The following ZFAND3 variants were observed in gnomAD, a reference collection of about 807,000 sequenced individuals.
ZFAND3 encodes the protein AN1-type zinc finger protein 3.
In ZFAND3, 10 loss-of-function variants were observed where a neutral mutation model predicts 29.6. The ratio of observed to expected loss-of-function variants is 0.34; its 90% CI spans 0.21 to 0.57. ZFAND3 has a LOEUF of 0.57. ZFAND3 is among the 20% of genes least tolerant of loss of function. The pLI is 0.86. For synonymous variants in ZFAND3, 128 were observed against 112.6 expected (o/e 1.14, Z -0.87); for missense variants, 230 against 304.5 (o/e 0.76, Z 1.82).
At chr6:38,093,477 CAA>C (rs1764913207) in intron 4 of ZFAND3, among the ~76,000 whole-genome samples, 1 of 151,936 alleles carries the variant, frequency 6.6e-6, no homozygotes, top group Non-Finnish European at 1.5e-5. Flanking sequence ...AATTTAGAAA[CAA>C]TGATTAAAAC....
At chr6:37,867,149 A>G (rs909001232) in intron 1 of ZFAND3, among the ~76,000 whole-genome samples, 2 of 152,122 alleles carry the variant, frequency 1.3e-5, no homozygotes, top group African/African-American at 4.8e-5. Flanking sequence ...CTTTTTTTGT[A>G]GTTCTGTAAG....
chr6:37,822,939 G>A (rs906928665), intron 1 of ZFAND3, among the ~76,000 whole-genome samples: 2 of 152,108 alleles, frequency 1.3e-5, no homozygotes, highest in African/African-American at 2.4e-5. Context: ...ATAAGGCTGG[G>A]GAATTGAGAG....
rs1043244585 is a variant in ZFAND3 at position 37,978,121 on chromosome 6, C to T, written c.112+48122C>T. ...CTAATTTTCGTATTTTTAGTGGAGA[C>T]ACAGGGTTTCACCATGTTGGTCAGG... On this transcript the variant is annotated intron_variant, in intron 2 of 5. Coordinates refer to ENST00000287218, the MANE Select transcript of ZFAND3 (RefSeq NM_021943.3). 2.0e-5 allele frequency among the ~76,000 whole-genome samples: 3 copies of T among 151,848 alleles called. No homozygotes were observed. In the East Asian group the frequency reaches 5.8e-4, roughly 29 times the overall value.
intron 2 of ZFAND3, among the ~76,000 whole-genome samples, chr6:37,985,732 A>C (rs1029512563): frequency 6.6e-6 from 1 of 152,252 alleles, no homozygotes; most frequent in Admixed American, 6.5e-5. Flanking sequence ...CTTAAGGTTC[A>C]CAGTGCCACC....
chr6:38,152,674 T>G lies in ZFAND3; in HGVS notation c.*285T>G, dbSNP rs1056023128. On this transcript the variant is annotated 3_prime_UTR_variant, in exon 6 of 6. Transcript: ENST00000287218. ...GTGGATTTAAAACAACACATACCTGTCACTGCTGGAGTCAAACTTATAAAA... is the reference window on the plus strand; with the variant it reads ...GTGGATTTAAAACAACACATACCTGGCACTGCTGGAGTCAAACTTATAAAA... 9 of 1,123,448 alleles carry G rather than the reference T, an allele frequency of 8.0e-6. No homozygotes were observed. In the Admixed American group the frequency reaches 2.4e-4, roughly 30 times the overall value. The allele number at this position is 1,123,448 out of a possible 1,614,324, so 69.6% of individuals were successfully genotyped here.
intron 4 of ZFAND3, among the ~76,000 whole-genome samples, chr6:38,114,035 C>T (rs1006076822): frequency 2.6e-5 from 4 of 152,212 alleles, no homozygotes; most frequent in Non-Finnish European, 5.9e-5. Flanking sequence ...TGCCAAGGCC[C>T]TCCAGATTTT....
chr6:37,838,354 CTG>C (rs1166610263), intron 1 of ZFAND3, among the ~76,000 whole-genome samples: 1 of 152,120 alleles, frequency 6.6e-6, no homozygotes, highest in Admixed American at 6.5e-5. Flanking sequence ...GAGTGTATAA[CTG>C]TGTGTGGTTT....
chr6:37,991,821 T>G (rs1762764031), intron 2 of ZFAND3, among the ~76,000 whole-genome samples: 1 of 152,216 alleles, frequency 6.6e-6, no homozygotes, highest in South Asian at 2.1e-4. Context: ...TTTCAGTGAT[T>G]GTTTTTTAAT....
At chr6:38,092,493 A>G (rs1471677692) in intron 4 of ZFAND3, among the ~76,000 whole-genome samples, 2 of 152,248 alleles carry the variant, frequency 1.3e-5, no homozygotes, top group African/African-American at 2.4e-5. Flanking sequence ...AGGAGCAAAT[A>G]TAGTACTAAT....
chr6:38,145,966 G>A (rs1171968862), intron 5 of ZFAND3, among the ~76,000 whole-genome samples: 1 of 152,210 alleles, frequency 6.6e-6, no homozygotes, highest in East Asian at 1.9e-4. Context: ...CAGAGTTTTA[G>A]ATAGGTCTTG....
chr6:38,038,279 C>T (rs756301577), intron 2 of ZFAND3, among the ~76,000 whole-genome samples: 15 of 152,184 alleles, frequency 9.9e-5, no homozygotes, highest in Non-Finnish European at 2.1e-4. Context: ...TTTGCTTCCT[C>T]CTCTGTGGTA....
At chr6:37,973,037 A>G (rs1474309225) in intron 2 of ZFAND3, among the ~76,000 whole-genome samples, 1 of 152,060 alleles carries the variant, frequency 6.6e-6, no homozygotes, top group African/African-American at 2.4e-5. Context: ...TCATTTGTCA[A>G]AGTCATCATG....
intron 4 of ZFAND3, among the ~76,000 whole-genome samples, chr6:38,114,260 G>A (rs1765374280): frequency 6.6e-6 from 1 of 152,208 alleles, no homozygotes; most frequent in Admixed American, 6.5e-5. Context: ...TTGCTGGTTT[G>A]TGTAAAAGGA....
chr6:37,893,648 G>A (rs1765144281), intron 1 of ZFAND3, among the ~76,000 whole-genome samples: 1 of 152,120 alleles, frequency 6.6e-6, no homozygotes, highest in African/African-American at 2.4e-5. Flanking sequence ...CTGCCTCCCA[G>A]GTGCTAGCGA....
chr6:37,951,082 C>T (rs896471294), intron 2 of ZFAND3, among the ~76,000 whole-genome samples: 3 of 152,104 alleles, frequency 2.0e-5, no homozygotes, highest in Admixed American at 6.5e-5. Context: ...AGATCTTTCA[C>T]CTCCCTGGTT....
intron 1 of ZFAND3, among the ~76,000 whole-genome samples, chr6:37,892,950 C>G (rs1252397601): frequency 2.0e-5 from 3 of 152,090 alleles, no homozygotes; most frequent in African/African-American, 4.8e-5. Context: ...GAGATTGATT[C>G]AGTAATTAAA....
At position 37,866,007 on chromosome 6, in the gene ZFAND3, G is replaced by A. The variant is rs143413028; in HGVS notation, c.71+45991G>A. ...TCCTATCTTTTTGCCCCTCACTGCT[G>A]TAGAGATGGAGGTCTCACTATATTG... On this transcript the variant is annotated intron_variant, in intron 1 of 5. Coordinates refer to ENST00000287218, the MANE Select transcript of ZFAND3 (RefSeq NM_021943.3). Among the ~76,000 whole-genome samples, 8 of 152,194 alleles carry A rather than the reference G, an allele frequency of 5.3e-5. No individual in the cohort carries two copies. The East Asian group carries it at 1.4e-3, about 26-fold the overall frequency.
intron 1 of ZFAND3, among the ~76,000 whole-genome samples, chr6:37,867,795 A>C (rs774110369): frequency 6.6e-6 from 1 of 152,248 alleles, no homozygotes; most frequent in African/African-American, 2.4e-5. Context: ...CTAATTGTCC[A>C]TTGTGACATG....
chr6:38,054,841 C>G (rs1275312476), intron 2 of ZFAND3, among the ~76,000 whole-genome samples: 1 of 152,146 alleles, frequency 6.6e-6, no homozygotes, highest in Non-Finnish European at 1.5e-5. Flanking sequence ...AGATTAACAT[C>G]CAACTACCAG....
Sources: gnomAD v4.1 joint callset for allele counts (sites outside exome capture counted in the v4.1 genomes callset) on GRCh38, gnomAD v4.1.1 for gene constraint, MANE v1.5 for transcripts, NCBI Gene and HGNC (gene_info 2026-07-23, HGNC 2026-07-21) for gene names.